DPYD: variants seen among roughly 807,000 people sequenced by gnomAD.
DPYD encodes dihydropyrimidine dehydrogenase [NADP(+)].
DPYD carries 109 observed loss-of-function variants against 116.2 expected under a neutral mutation model. The observed-to-expected ratio is 0.94, with a 90% CI of 0.80 to 1.10. DPYD has a LOEUF of 1.10. Ranked by LOEUF, DPYD falls within the 50% of genes least tolerant of loss-of-function variation. The probability of loss-of-function intolerance (pLI) is 0.00; values close to 1 mark genes in which losing one functional copy is unlikely to be tolerated. For synonymous variants in DPYD, 440 were observed against 432.0 expected (o/e 1.02, Z -0.23); for missense variants, 1,302 against 1,254.5 (o/e 1.04, Z -0.57).
intron 13 of DPYD, among the ~76,000 whole-genome samples, chr1:97,481,049 A>G (rs1454196997): frequency 2.0e-5 from 3 of 152,212 alleles, no homozygotes; most frequent in African/African-American, 4.8e-5. Context: ...TGATTTGTTA[A>G]AGATTACTAT....
chr1:97,080,012 A>G (rs1649046112), intron 22 of DPYD, among the ~76,000 whole-genome samples: 1 of 152,118 alleles, frequency 6.6e-6, no homozygotes. Flanking sequence ...ATTAAAGAGA[A>G]ACATTTCAAT....
chr1:97,144,016 C>G (rs1654431115), intron 20 of DPYD, among the ~76,000 whole-genome samples: 1 of 152,164 alleles, frequency 6.6e-6, no homozygotes, highest in Non-Finnish European at 1.5e-5. Context: ...CTCTGGTCAT[C>G]AAACCCTGCT....
chr1:97,694,672 C>A (rs144588966), intron 6 of DPYD, among the ~76,000 whole-genome samples: 146 of 152,248 alleles, frequency 9.6e-4, no homozygotes, highest in African/African-American at 3.3e-3. Flanking sequence ...ACACTATTCC[C>A]TTTCCAGCCC....
intron 2 of DPYD, among the ~76,000 whole-genome samples, chr1:97,845,097 T>C (rs1193282769): frequency 1.3e-5 from 2 of 152,166 alleles, no homozygotes; most frequent in Non-Finnish European, 1.5e-5. Context: ...CTGGGCACTG[T>C]AGATTACCTG....
chr1:97,313,583 C>T (rs1277687030), intron 16 of DPYD, among the ~76,000 whole-genome samples: 1 of 151,644 alleles, frequency 6.6e-6, no homozygotes, highest in Non-Finnish European at 1.5e-5. Context: ...TCCTCTCCTC[C>T]CCAAGCACAT....
At chr1:97,302,839 A>G (rs1297917575) in intron 18 of DPYD, among the ~76,000 whole-genome samples, 1 of 152,048 alleles carries the variant, frequency 6.6e-6, no homozygotes, top group Non-Finnish European at 1.5e-5. Flanking sequence ...TGTTGATTAC[A>G]GTTCACTAAA....
At chr1:97,538,051 T>A (rs1282007110) in intron 12 of DPYD, among the ~76,000 whole-genome samples, 3 of 143,486 alleles carry the variant, frequency 2.1e-5, no homozygotes, top group Admixed American at 7.1e-5. Flanking sequence ...TGGGCAACAA[T>A]AGTGAAACTC....
At chr1:97,141,811 C>T (rs2101696247) in intron 20 of DPYD, among the ~76,000 whole-genome samples, 1 of 152,110 alleles carries the variant, frequency 6.6e-6, no homozygotes, top group South Asian at 2.1e-4. Flanking sequence ...CAATAGATGC[C>T]CAGAGGCCTC....
At chr1:97,283,639 C>T (rs918842709) in intron 18 of DPYD, among the ~76,000 whole-genome samples, 6 of 152,004 alleles carry the variant, frequency 3.9e-5, no homozygotes, top group African/African-American at 9.7e-5. Context: ...TTGAAATAAA[C>T]GCTGTATTTA....
intron 2 of DPYD, among the ~76,000 whole-genome samples, chr1:97,871,649 C>CA (rs1004924465): frequency 4.0e-5 from 6 of 150,858 alleles, no homozygotes; most frequent in Admixed American, 6.6e-5. Context: ...AGACAGTGCT[C>CA]AAAAAAATTT....
chr1:97,870,472 T>C (rs529950198), intron 2 of DPYD, among the ~76,000 whole-genome samples: 1 of 151,710 alleles, frequency 6.6e-6, no homozygotes, highest in Non-Finnish European at 1.5e-5. Context: ...TTCCACATTT[T>C]TGTTCATATT....
intron 13 of DPYD, among the ~76,000 whole-genome samples, chr1:97,511,712 T>C (rs540856132): frequency 4.6e-5 from 7 of 151,956 alleles, no homozygotes; most frequent in Non-Finnish European, 1.0e-4. Flanking sequence ...AGATGTAGTA[T>C]ATTCCTTGTC....
At chr1:97,348,288 A>T (rs1669960935) in intron 16 of DPYD, among the ~76,000 whole-genome samples, 1 of 152,174 alleles carries the variant, frequency 6.6e-6, no homozygotes, top group African/African-American at 2.4e-5. Context: ...TAAAAGTCTG[A>T]CAAAGCAATA....
chr1:97,321,755 A>T (rs1342884282), intron 16 of DPYD, among the ~76,000 whole-genome samples: 1 of 38,870 alleles, frequency 2.6e-5, no homozygotes, highest in African/African-American at 6.7e-5. Flanking sequence ...AATGACTATA[A>T]ATCATGCTGC....
intron 8 of DPYD, among the ~76,000 whole-genome samples, chr1:97,611,862 T>C (rs1054842906): frequency 3.9e-5 from 6 of 152,096 alleles, no homozygotes; most frequent in African/African-American, 1.4e-4. Flanking sequence ...ACTTAATAGT[T>C]ACTACACAGG....
rs540927452 is a variant in DPYD, at chr1:97,136,062, T to G, written c.2623-37430A>C. On this transcript the variant is annotated intron_variant, in intron 20 of 22. Transcript: ENST00000370192. ...ACTATCATTCCCAGAAGTAGCGAGC[T>G]GAGTCAATATAACGTTAAGACTGAA... 3.3e-5 allele frequency among the ~76,000 whole-genome samples: 5 copies of G among 152,300 alleles called. No individual in the cohort carries two copies. In the South Asian group the frequency reaches 1.0e-3, roughly 32 times the overall value.
At position 97,727,262 on chromosome 1, in the gene DPYD, C is replaced by A. The variant is rs143043133; in HGVS notation, c.322-5591G>T. On this transcript the variant is annotated intron_variant, in intron 4 of 22. Transcript: ENST00000370192. ...AAGAGAGAATCATAGCCACATCATT[C>A]TTGATTGATATGAGTAAATATTCAA... Among the ~76,000 whole-genome samples the A allele has an allele frequency of 6.7e-4, 101 of 151,754 alleles. 1 individual carries two copies. The East Asian group carries it at 0.016, about 24-fold the overall frequency.
chr1:97,176,730 G>A (rs1358575893), intron 20 of DPYD, among the ~76,000 whole-genome samples: 3 of 152,110 alleles, frequency 2.0e-5, no homozygotes, highest in Non-Finnish European at 4.4e-5. Context: ...AGGGTCCACA[G>A]GGAGGTCTTT....
chr1:97,469,397 C>CAAAAAAAAAAAAAAAAAAAAA (rs59090402), intron 13 of DPYD, among the ~76,000 whole-genome samples: 43 of 80,806 alleles, frequency 5.3e-4, no homozygotes, highest in African/African-American at 1.7e-3. Flanking sequence ...GCTAAAATTG[C>CAAAAAAAAAAAAAAAAAAAAA]AAAAAAAAAA....
Sources: gnomAD v4.1 joint callset for allele counts (sites outside exome capture counted in the v4.1 genomes callset) on GRCh38, gnomAD v4.1.1 for gene constraint, MANE v1.5 for transcripts, NCBI Gene and HGNC (gene_info 2026-07-23, HGNC 2026-07-21) for gene names.